The following MAP4 variants were observed in gnomAD, a reference collection of about 807,000 sequenced individuals.
The protein encoded by MAP4 is microtubule-associated protein 4.
MAP4 carries 76 observed loss-of-function variants against 170.2 expected under a neutral mutation model. That is an observed-to-expected ratio of 0.45 (90% CI 0.37 to 0.54). MAP4 has a LOEUF of 0.54. Ranked by LOEUF, MAP4 falls within the 20% of genes least tolerant of loss-of-function variation. The pLI is 0.00. For missense variants in MAP4, 2,506 were observed against 2,748.0 expected (o/e 0.91, Z 1.97); for synonymous variants, 909 against 994.5 (o/e 0.91, Z 1.62).
At chr3:47,856,696 G>A (rs751311827) in intron 18 of MAP4, among the ~76,000 whole-genome samples, 89 of 152,328 alleles carry the variant, frequency 5.8e-4, no homozygotes, top group Admixed American at 2.3e-3. Flanking sequence ...CAAAGTGCTG[G>A]GATTACAGGC....
At chr3:48,047,658 TGTCA>T (rs1246492564) in intron 1 of MAP4, among the ~76,000 whole-genome samples, 3 of 152,234 alleles carry the variant, frequency 2.0e-5, no homozygotes, top group Non-Finnish European at 4.4e-5. Flanking sequence ...ACCCAACATC[TGTCA>T]AGTAGACACA....
chr3:47,864,688 A>AATAAC (rs757635992), intron 17 of MAP4, among the ~76,000 whole-genome samples: 2 of 152,120 alleles, frequency 1.3e-5, no homozygotes, highest in South Asian at 2.1e-4. Context: ...AAAATAAAAT[A>AATAAC]ATAACATAAC....
intron 1 of MAP4, among the ~76,000 whole-genome samples, chr3:48,054,197 C>A (rs2100129375): frequency 6.6e-6 from 1 of 151,990 alleles, no homozygotes; most frequent in African/African-American, 2.4e-5. Context: ...AGTCAGGAGG[C>A]TGAGGAAGGA....
intron 3 of MAP4, chr3:47,973,744 G>A: frequency 1.0e-6 from 1 of 985,400 alleles, no homozygotes; most frequent in Non-Finnish European, 1.2e-6. Context: ...TGTCAAACAT[G>A]ATTTTTAAAA....
intron 3 of MAP4, among the ~76,000 whole-genome samples, chr3:47,933,501 G>A (rs747589801): frequency 1.3e-5 from 2 of 151,620 alleles, no homozygotes; most frequent in African/African-American, 2.4e-5. Context: ...GCGGTAGTAC[G>A]ATCATAGCTC....
rs997265317 is a variant in MAP4 at position 47,937,105 on chromosome 3, T to TA, written c.293-8756dup. Among the ~76,000 whole-genome samples the TA allele has an allele frequency of 1.2e-3, 177 of 148,698 alleles. 1 individual carries two copies. Among genetic ancestry groups the TA allele is most frequent in the African/African-American group, 2.4e-3 (98 of 40,686 alleles). On this transcript the variant is annotated intron_variant, in intron 3 of 20. Transcript: ENST00000683076. ...TAGAGCTACACTACTCATCCAGAATTAAAAAAAAAAATTGTGCTACATAAT... is the reference window on the plus strand; with the variant it reads ...TAGAGCTACACTACTCATCCAGAATTAAAAAAAAAAAATTGTGCTACATAAT...
In MAP4 at chr3:47,855,159, T is replaced by G. The variant is rs1576590212; in HGVS notation, c.6696+89A>C. On this transcript the variant is annotated intron_variant, in intron 19 of 20. Transcript: ENST00000683076. The surrounding 1 kb of genome is among the most constrained non-coding windows in gnomAD (Gnocchi z 5.1). ...GACTCCTGAAGAGACTGAGGGGCGG[T>G]GACAGGTGCCTACCTGTGAGGACCC... 1.3e-5 allele frequency: 11 copies of G among 831,244 alleles called. No homozygotes were observed. Among genetic ancestry groups the G allele is most frequent in the Non-Finnish European group, 2.1e-5 (10 of 481,938 alleles). The allele number at this position is 831,244 out of a possible 1,614,324, so 51.5% of individuals were successfully genotyped here.
At chr3:47,941,220 CAAAAAAAAAAAA>C (rs745693695) in intron 3 of MAP4, among the ~76,000 whole-genome samples, 6 of 45,838 alleles carry the variant, frequency 1.3e-4, no homozygotes, top group South Asian at 1.9e-3. Flanking sequence ...CTATCTCTAC[CAAAAAAAAAAAA>C]AAAAAAAAAA....
intron 10 of MAP4, among the ~76,000 whole-genome samples, chr3:47,890,404 A>G (rs1051593233): frequency 6.6e-6 from 1 of 152,252 alleles, no homozygotes; most frequent in East Asian, 1.9e-4. Context: ...TAGAAGCAAG[A>G]TTGGGTCAAA....
intron 1 of MAP4, among the ~76,000 whole-genome samples, chr3:48,061,197 CCCCTCTCCCTCT>C (rs200606918): frequency 6.6e-6 from 1 of 151,030 alleles, no homozygotes; most frequent in African/African-American, 2.4e-5. Context: ...CCTCCCCCTC[CCCCTCTCCCTCT>C]CCCTCTCTTT....
At chr3:48,073,470 GCAT>G (rs777247276) in intron 1 of MAP4, among the ~76,000 whole-genome samples, 2 of 150,914 alleles carry the variant, frequency 1.3e-5, no homozygotes, top group Non-Finnish European at 3.0e-5. Context: ...AATTAGCCAG[GCAT>G]GGTGGCACAT....
intron 10 of MAP4, among the ~76,000 whole-genome samples, chr3:47,879,612 AT>A (rs2096289689): frequency 6.6e-6 from 1 of 152,066 alleles, no homozygotes; most frequent in Admixed American, 6.5e-5. Context: ...ACATGCACTC[AT>A]TTGTGTGTGT....
At chr3:47,860,988 C>G (rs1457766398) in intron 17 of MAP4, among the ~76,000 whole-genome samples, 1 of 152,104 alleles carries the variant, frequency 6.6e-6, no homozygotes, top group South Asian at 2.1e-4. Flanking sequence ...TTTGGGAGGG[C>G]TGACGCGGGT....
At chr3:48,024,959 CTT>C (rs112833339) in intron 1 of MAP4, among the ~76,000 whole-genome samples, 3 of 145,574 alleles carry the variant, frequency 2.1e-5, no homozygotes, top group Non-Finnish European at 1.5e-5. Context: ...ATTTCTTTTT[CTT>C]TTTTTTTTTG....
chr3:48,065,447 A>T (rs1473906839), intron 1 of MAP4, among the ~76,000 whole-genome samples: 1 of 152,180 alleles, frequency 6.6e-6, no homozygotes, highest in Non-Finnish European at 1.5e-5. Context: ...CAAAGCTTTC[A>T]ATTCAAAGGC....
chr3:48,049,714 C>A (rs1470346420), intron 1 of MAP4, among the ~76,000 whole-genome samples: 1 of 151,886 alleles, frequency 6.6e-6, no homozygotes, highest in Non-Finnish European at 1.5e-5. Flanking sequence ...AGGCGGATCG[C>A]GACGTCAGGA....
chr3:47,989,733 C>G (rs910794145), intron 2 of MAP4, among the ~76,000 whole-genome samples: 2 of 152,134 alleles, frequency 1.3e-5, no homozygotes, highest in Non-Finnish European at 2.9e-5. Context: ...GTATATTTCC[C>G]TGCCAGATAA....
intron 1 of MAP4, among the ~76,000 whole-genome samples, chr3:48,074,679 T>TGTGC (rs2100142868): frequency 8.0e-6 from 1 of 125,398 alleles, no homozygotes; most frequent in Admixed American, 9.7e-5. Context: ...CAGCTAATTG[T>TGTGC]GTGTGTGTGT....
At chr3:47,968,787 T>C (rs1278580550) in intron 3 of MAP4, among the ~76,000 whole-genome samples, 1 of 151,648 alleles carries the variant, frequency 6.6e-6, no homozygotes, top group Non-Finnish European at 1.5e-5. Context: ...TAGAGAAAAC[T>C]CACCAAAACT....
Sources: gnomAD v4.1 joint callset for allele counts (sites outside exome capture counted in the v4.1 genomes callset) on GRCh38, gnomAD v4.1.1 for gene constraint, Gnocchi (gnomAD v3.1) non-coding constraint, MANE v1.5 for transcripts, NCBI Gene and HGNC (gene_info 2026-07-23, HGNC 2026-07-21) for gene names.